The following ALDH3B2 variants were observed in gnomAD, a reference collection of about 807,000 sequenced individuals.
ALDH3B2 encodes the protein aldehyde dehydrogenase 3 family member B2, also known as aldehyde dehydrogenase family 3 member B2.
ALDH3B2 carries 45 observed loss-of-function variants against 36.7 expected under a neutral mutation model. The observed-to-expected ratio is 1.23, with a 90% CI of 0.97 to 1.57. The LOEUF (loss-of-function observed/expected upper bound fraction) is 1.57, where lower values mean the gene tolerates loss of function less well. Ranked by LOEUF, ALDH3B2 falls within the 40% of genes most tolerant of loss-of-function variation. The probability of loss-of-function intolerance (pLI) is 0.00; values close to 1 mark genes in which losing one functional copy is unlikely to be tolerated. For missense variants in ALDH3B2, 464 were observed against 513.3 expected, an observed-to-expected ratio of 0.90 and a Z score of 0.93; for synonymous variants, 217 against 226.5, an observed-to-expected ratio of 0.96 and a Z score of 0.38.
At position 67,665,684 on chromosome 11, in the gene ALDH3B2, G is replaced by T; in HGVS notation, c.320-13C>A. 1.3e-6 allele frequency: 2 copies of T among 1,591,452 alleles called. No homozygotes were observed. The highest frequency in any genetic ancestry group is 1.7e-6 in the Non-Finnish European group (2 of 1,168,356). ...ACACGAGGGCTCCCTGGGCGTGGAA[G>T]GAAACCAGAGTGGCCAGTCAGTGAC... On this transcript the variant is annotated splice_polypyrimidine_tract_variant and intron_variant, in intron 6 of 9. Transcript: ENST00000349015.
intron 8 of ALDH3B2, among the ~76,000 whole-genome samples, chr11:67,664,064 G>A (rs1855828176): frequency 6.6e-6 from 1 of 152,142 alleles, no homozygotes; most frequent in South Asian, 2.1e-4. Context: ...GCCCCACCGC[G>A]ACCCGCTGGG....
upstream of ALDH3B2, among the ~76,000 whole-genome samples, chr11:67,676,609 A>G (rs150828156): frequency 8.8e-3 from 1,343 of 152,132 alleles, 25 homozygotes; most frequent in African/African-American, 0.031. Flanking sequence ...AGATTAGAGC[A>G]GAACTAAATG....
chr11:67,680,308 C>T (rs541328369), intron 1 of ALDH3B2, among the ~76,000 whole-genome samples: 2 of 152,146 alleles, frequency 1.3e-5, no homozygotes, highest in East Asian at 1.9e-4. Context: ...AGTGAGACTC[C>T]ATCTCAAGAA....
chr11:67,666,547 G>A (rs1367315401), intron 4 of ALDH3B2, 27 bp downstream of exon 4: 2 of 1,613,326 alleles, frequency 1.2e-6, no homozygotes, highest in Non-Finnish European at 1.7e-6. Flanking sequence ...GGCGGGGAGA[G>A]CATGGGGTTC....
intron 1 of ALDH3B2, among the ~76,000 whole-genome samples, chr11:67,668,887 T>C (rs1371467988): frequency 6.6e-6 from 1 of 151,420 alleles, no homozygotes; most frequent in Non-Finnish European, 1.5e-5. Flanking sequence ...TGTATGGGTG[T>C]CTGTGTGTGT....
exon 7 of ALDH3B2, chr11:67,665,542 C>A: frequency 6.2e-7 from 1 of 1,614,092 alleles, no homozygotes; most frequent in Non-Finnish European, 8.5e-7. Context: ...CCAGGCCACG[C>A]GGTTGGCCAC....
chr11:67,667,049 C>T (rs531215261), intron 2 of ALDH3B2, 33 bp from the exon 3 acceptor site: 1 of 1,358,448 alleles, frequency 7.4e-7, no homozygotes. Context: ...AGTGGTCAGG[C>T]CCAGACCTGG....
At chr11:67,673,173 G>T (rs961838441) in intron 1 of ALDH3B2, among the ~76,000 whole-genome samples, 2 of 150,534 alleles carry the variant, frequency 1.3e-5, no homozygotes, top group Non-Finnish European at 3.0e-5. Flanking sequence ...ATCGTGATCC[G>T]CCCGCCTCGG....
In ALDH3B2 at chr11:67,666,064, A is replaced by T. The variant is rs1855898103; in HGVS notation, c.319+58T>A. On this transcript the variant is annotated intron_variant, in intron 6 of 9. Coordinates refer to ENST00000349015, the Ensembl canonical transcript of ALDH3B2. The stretch of plus-strand genomic sequence containing the variant: ...AGCCTCCTCCCTCCACAACCCTCCC[A>T]CCCTCTCTCCTGATGATCCCCTCCA... The T allele has an allele frequency of 4.8e-6, 6 of 1,251,800 alleles. No homozygotes were observed. The East Asian group carries it at 1.7e-4, about 35-fold the overall frequency. 77.5% of individuals were successfully genotyped at this position (1,251,800 alleles called of 1,614,324 possible).
At chr11:67,672,057 A>ATG (rs1180439645) in intron 1 of ALDH3B2, among the ~76,000 whole-genome samples, 5 of 56,960 alleles carry the variant, frequency 8.8e-5, no homozygotes, top group African/African-American at 3.6e-4. Flanking sequence ...ATATATATAT[A>ATG]TATATATATA....
At chr11:67,680,101 G>T (rs1002284553) in intron 1 of ALDH3B2, among the ~76,000 whole-genome samples, 5 of 152,096 alleles carry the variant, frequency 3.3e-5, no homozygotes, top group Non-Finnish European at 5.9e-5. Context: ...GGGTCACGAG[G>T]TCAGGAGTTT....
chr11:67,674,921 T>C (rs1856232369), upstream of ALDH3B2, among the ~76,000 whole-genome samples: 1 of 152,128 alleles, frequency 6.6e-6, no homozygotes, highest in Non-Finnish European at 1.5e-5. Context: ...AGGATCCTGG[T>C]GGCAAATGCT....
chr11:67,665,877 C>T (rs928764549), intron 6 of ALDH3B2, among the ~76,000 whole-genome samples: 13 of 152,278 alleles, frequency 8.5e-5, no homozygotes, highest in South Asian at 4.1e-4. Context: ...AGTCCTGGCC[C>T]GCCTCACCCT....
chr11:67,672,100 T>TGTG (rs1395112884), intron 1 of ALDH3B2, among the ~76,000 whole-genome samples: 1 of 44,202 alleles, frequency 2.3e-5, no homozygotes, highest in Non-Finnish European at 4.4e-5. Context: ...TATGTATGTA[T>TGTG]TTTGTGTGTG....
chr11:67,671,570 G>C (rs993511613), intron 1 of ALDH3B2, among the ~76,000 whole-genome samples: 5 of 148,674 alleles, frequency 3.4e-5, no homozygotes, highest in Non-Finnish European at 7.4e-5. Context: ...TTTTGGAACG[G>C]AGTTTCGCTC....
At chr11:67,666,858 T>C in intron 3 of ALDH3B2, 48 bp downstream of exon 3, 1 of 1,613,882 alleles carries the variant, frequency 6.2e-7, no homozygotes, top group Non-Finnish European at 8.5e-7. Context: ...GGGCCAGAGC[T>C]ACCCGGTGCC....
At chr11:67,674,881 A>G (rs1199751487), upstream of ALDH3B2, 1 of 152,262 alleles carries the variant, frequency 6.6e-6, no homozygotes. Flanking sequence ...AAAGAACCCC[A>G]GGGGAAGGTC....
At chr11:67,673,356 C>T (rs1240634972) in intron 1 of ALDH3B2, among the ~76,000 whole-genome samples, 1 of 152,174 alleles carries the variant, frequency 6.6e-6, no homozygotes, top group Admixed American at 6.5e-5. Context: ...ATGGAGCTCA[C>T]AGTCTACACA....
At chr11:67,667,491 C>T in exon 2 of ALDH3B2, 3 of 389,130 alleles carry the variant, frequency 7.7e-6, no homozygotes, top group Non-Finnish European at 1.4e-5. Context: ...GGTCCTGGGC[C>T]AGCACGTCGC....
Sources: gnomAD v4.1 joint callset for allele counts (sites outside exome capture counted in the v4.1 genomes callset) on GRCh38, gnomAD v4.1.1 for gene constraint, MANE v1.5 for transcripts, NCBI Gene and HGNC (gene_info 2026-07-23, HGNC 2026-07-21) for gene names.